Variants in FAT2 observed in about 807,000 individuals in gnomAD.
The protein encoded by FAT2 is FAT atypical cadherin 2.
In FAT2, 150 loss-of-function variants were observed where a neutral mutation model predicts 295.3. That is an observed-to-expected ratio of 0.51 (90% CI 0.44 to 0.58). The LOEUF is 0.58. FAT2 is among the 20% of genes least tolerant of loss of function. The pLI is 0.00. For synonymous variants in FAT2, 2,026 were observed against 2,150.3 expected, an observed-to-expected ratio of 0.94 and a Z score of 1.60; for missense variants, 4,868 against 5,442.7, an observed-to-expected ratio of 0.89 and a Z score of 3.32.
intron 20 of FAT2, among the ~76,000 whole-genome samples, chr5:151,515,377 A>G (rs909856228): frequency 1.3e-5 from 2 of 152,112 alleles, no homozygotes; most frequent in Non-Finnish European, 2.9e-5. Context: ...GTGATCTCCC[A>G]TCTCATGGCT....
Position 151,567,180 on chromosome 5 carries a change from C to T in FAT2, c.1752G>A (p.Met584Ile), listed in dbSNP as rs1458465097. Residue 584 changes from methionine to isoleucine, a missense_variant, in exon 2 of 24, where the codon ATG becomes ATA. Coordinates refer to ENST00000261800, the MANE Select transcript of FAT2 (RefSeq NM_001447.3). Reference protein sequence around the residue: ...RQDWPVGKSIMTMSAIDVDEL... With the variant: ...RQDWPVGKSIITMSAIDVDEL... Reference sequence around the variant, plus strand: ...CATCCACATCTATGGCTGACATAGTCATTATCGATTTCCCTACTGGCCAGT... The same window carrying T: ...CATCCACATCTATGGCTGACATAGTTATTATCGATTTCCCTACTGGCCAGT... The T allele has an allele frequency of 6.2e-7, 1 of 1,614,046 alleles. No homozygotes were observed. Among genetic ancestry groups the T allele is most frequent in the Admixed American group, 1.7e-5 (1 of 60,008 alleles).
chr5:151,517,889 G>A (rs1311808391), intron 19 of FAT2, 124 bp from the exon 20 acceptor site: 1 of 1,213,816 alleles, frequency 8.2e-7, no homozygotes, highest in Non-Finnish European at 1.2e-6. Context: ...TATACATGAA[G>A]AAACTAGGCT....
At chr5:151,594,030 C>T (rs1242512456), upstream of FAT2, among the ~76,000 whole-genome samples, 1 of 152,118 alleles carries the variant, frequency 6.6e-6, no homozygotes, top group African/African-American at 2.4e-5. Context: ...AATAACAGCT[C>T]ATCTTTATGT....
chr5:151,507,159 T>G lies in FAT2; in HGVS notation c.12512A>C (p.Glu4171Ala). ...PVIKRTWSSE[E>A]MVYPGGAMVW... is the part of the protein sequence containing the mutation. ...GCGTCTCTGGCTATACTGACCCATC[T>G]CCTCGCTGGACCAGGTTCTCTTAAT... The change falls in exon 23 of 24, where the codon GAG becomes GCG. Residue 4171 changes from glutamate to alanine, a missense_variant. By Grantham distance (107) the Glu-to-Ala change is moderately radical. Transcript: ENST00000261800. The G allele has an allele frequency of 6.3e-7, 1 of 1,578,666 alleles. No individual in the cohort carries two copies. Among genetic ancestry groups the G allele is most frequent in the Non-Finnish European group, 8.6e-7 (1 of 1,161,278 alleles).
rs903515848 is a variant in FAT2, at chr5:151,512,261, C to G, written c.11809G>C (p.Glu3937Gln). The G allele has an allele frequency of 3.1e-6, 5 of 1,614,062 alleles. No homozygotes were observed. Among genetic ancestry groups the G allele is most frequent in the African/African-American group, 1.3e-5 (1 of 74,922 alleles). The stretch of plus-strand genomic sequence containing the variant: ...CAGCACTGGGTGAGGGCTTGTGTCT[C>G]CAGCAAGCCTGCCACCGTCTTGCCA... Reference protein sequence around the residue: ...APGKTVAGLLETQALTQCCLH... With the variant: ...APGKTVAGLLQTQALTQCCLH... The change falls in exon 21 of 24, where the codon GAG becomes CAG. Residue 3937 changes from glutamate (E) to glutamine (Q), a missense_variant. Coordinates refer to ENST00000261800, the MANE Select transcript of FAT2 (RefSeq NM_001447.3). This position sits in a 1 kb window ranked among gnomAD's most constrained non-coding sequence, Gnocchi z 4.1.
In FAT2 at chr5:151,531,750, G is replaced by A. The variant is rs1453623524; in HGVS notation, c.9648C>T (p.Pro3216=). The change falls in exon 14 of 24, where the codon CCC becomes CCT. Residue 3216 remains proline, a synonymous_variant. Coordinates refer to ENST00000261800, the MANE Select transcript of FAT2 (RefSeq NM_001447.3). This position sits in a 1 kb window ranked among gnomAD's most constrained non-coding sequence, Gnocchi z 5.7. ...CGCTGTGCTCGGTGTTCAGGAACAC[G>A]GGCAGGTAGTCTTCTAGGCCCACCA... ...VSVVGLEDYL[P]VFLNTEHSVQ... 10 of 1,613,342 alleles carry A rather than the reference G, an allele frequency of 6.2e-6. No homozygotes were observed. The highest frequency in any genetic ancestry group is 2.2e-5 in the South Asian group (2 of 91,082).
chr5:151,544,912 T>G lies in FAT2; in HGVS notation c.6215A>C (p.His2072Pro), dbSNP rs767396049. ...DVNDNPPKFK[H>P]LPYYTIIQDG... ...TTGGATGATTGTGTAATAGGGCAGATGCTTAAATTTGGGGGGATTGTCATT... is the reference window on the plus strand; with the variant it reads ...TTGGATGATTGTGTAATAGGGCAGAGGCTTAAATTTGGGGGGATTGTCATT... Residue 2072 changes from histidine to proline, a missense_variant, in exon 10 of 24, where the codon CAT becomes CCT. By Grantham distance (77) the His-to-Pro change is moderately conservative. This residue lies in a region of FAT2 where 3,297 missense variants were observed against 3,669.4 expected (regional missense o/e 0.90). Coordinates refer to ENST00000261800, the MANE Select transcript of FAT2 (RefSeq NM_001447.3). 1.3e-5 allele frequency: 21 copies of G among 1,613,982 alleles called. No individual in the cohort carries two copies. The highest frequency in any genetic ancestry group is 6.7e-5 in the Admixed American group (4 of 60,004).
chr5:151,525,627 C>G, intron 18 of FAT2, 141 bp downstream of exon 18: 1 of 855,306 alleles, frequency 1.2e-6, no homozygotes, highest in South Asian at 1.6e-5. Context: ...GGCTTTAGTC[C>G]TGAGAAGGAC....
intron 19 of FAT2, among the ~76,000 whole-genome samples, chr5:151,520,922 C>CTCAAAGG (rs1320656243): frequency 6.6e-6 from 1 of 152,244 alleles, no homozygotes; most frequent in Non-Finnish European, 1.5e-5. Context: ...AGCAGCCCAG[C>CTCAAAGG]TCAAAGGCAC....
chr5:151,566,853 C>T lies in FAT2; in HGVS notation c.2079G>A (p.Glu693=), dbSNP rs2127646937. The change falls in exon 2 of 24, where the codon GAG becomes GAA. Residue 693 remains glutamate, a synonymous_variant. Coordinates refer to ENST00000261800, the MANE Select transcript of FAT2 (RefSeq NM_001447.3). ...AAGAAGTGAATTCCTCATCACTGGA[C>T]TCCTGGTTCTGAAGCCCAATAAAGT... The part of the protein sequence containing the change: ...ILHFIGLQNQ[E]SSDEEFTSLS... The T allele has an allele frequency of 1.2e-6, 2 of 1,614,140 alleles. No homozygotes were observed. Among genetic ancestry groups the T allele is most frequent in the South Asian group, 2.2e-5 (2 of 91,078 alleles).
intron 20 of FAT2, among the ~76,000 whole-genome samples, chr5:151,516,564 T>C (rs1254363316): frequency 6.6e-6 from 1 of 152,170 alleles, no homozygotes; most frequent in Non-Finnish European, 1.5e-5. Context: ...CTGATGCCCC[T>C]CCATTTTTTC....
chr5:151,510,834 A>C (rs1761262231), intron 21 of FAT2: 1 of 152,396 alleles, frequency 6.6e-6, no homozygotes, highest in African/African-American at 2.4e-5. Context: ...GCGGAAGAGA[A>C]GAGTGCGTGC....
chr5:151,515,018 A>G (rs1049177997), intron 20 of FAT2, among the ~76,000 whole-genome samples: 1 of 152,128 alleles, frequency 6.6e-6, no homozygotes, highest in Admixed American at 6.5e-5. Flanking sequence ...TCAGTTTTCC[A>G]GCCAGATATT....
chr5:151,546,723 C>CT (rs796620329), intron 9 of FAT2, among the ~76,000 whole-genome samples: 1,657 of 145,986 alleles, frequency 0.011, 21 homozygotes, highest in African/African-American at 0.034. Context: ...TTTTGTATAA[C>CT]TTTTTTTTTT....
In FAT2 at chr5:151,504,152, GTCAC is replaced by G. The variant is rs1189656378; in HGVS notation, c.*1409_*1412del. The G allele has an allele frequency of 6.6e-6, 1 of 152,572 alleles. No homozygotes were observed. The highest frequency in any genetic ancestry group is 1.5e-5 in the Non-Finnish European group (1 of 68,044). The allele number at this position is 152,572 out of a possible 1,614,324, so 9.5% of individuals were successfully genotyped here. On this transcript the variant is annotated 3_prime_UTR_variant, in exon 24 of 24. Coordinates refer to ENST00000261800, the MANE Select transcript of FAT2 (RefSeq NM_001447.3). ...AAATGACCAATGAAACTATGTATCTGTCACTCACACTCACAGTCACACACACAGC... is the reference window on the plus strand; with the variant it reads ...AAATGACCAATGAAACTATGTATCTGTCACACTCACAGTCACACACACAGC...
At chr5:151,593,741 C>A (rs1171962559), upstream of FAT2, among the ~76,000 whole-genome samples, 2 of 152,166 alleles carry the variant, frequency 1.3e-5, no homozygotes, top group Non-Finnish European at 2.9e-5. Flanking sequence ...CAGTGGCTCA[C>A]ACCTGTAATC....
chr5:151,512,823 G>A lies in FAT2; in HGVS notation c.11464-217C>T. 1 of 575,766 alleles carries A rather than the reference G, an allele frequency of 1.7e-6. No individual in the cohort carries two copies. Among genetic ancestry groups the A allele is most frequent in the Non-Finnish European group, 3.1e-6 (1 of 323,356 alleles). 35.7% of individuals were successfully genotyped at this position (575,766 alleles called of 1,614,324 possible). ...CACCACACCCCATGGGATGGTCTGG[G>A]TAGGGGGTGACATCTCCATTCACAG... On this transcript the variant is annotated intron_variant, in intron 20 of 23. Coordinates refer to ENST00000261800, the MANE Select transcript of FAT2 (RefSeq NM_001447.3). The surrounding 1 kb of genome is among the most constrained non-coding windows in gnomAD (Gnocchi z 4.1).
intron 19 of FAT2, among the ~76,000 whole-genome samples, chr5:151,519,842 T>C (rs1420468279): frequency 6.6e-6 from 1 of 152,204 alleles, no homozygotes; most frequent in African/African-American, 2.4e-5. Flanking sequence ...TTGCACCTGC[T>C]GCTTCAGAAT....
chr5:151,571,472 G>A (rs1014913023), intron 1 of FAT2, among the ~76,000 whole-genome samples: 1 of 152,246 alleles, frequency 6.6e-6, no homozygotes, highest in Non-Finnish European at 1.5e-5. Flanking sequence ...AAGATACTCT[G>A]CTCGATGGCT....
Sources: allele counts gnomAD v4.1 joint callset (sites outside exome capture counted in the v4.1 genomes callset), GRCh38; gene constraint gnomAD v4.1.1; regional missense constraint gnomAD v4.1.1; non-coding constraint Gnocchi (gnomAD v3.1); transcripts MANE v1.5; gene names NCBI Gene and HGNC (gene_info 2026-07-23, HGNC 2026-07-21).